The following SEM1 variants were observed in gnomAD, a reference collection of about 807,000 sequenced individuals.
The protein encoded by SEM1 is 26S proteasome complex subunit SEM1.
A neutral mutation model predicts 12.7 loss-of-function variants in SEM1; 3 were observed. The ratio of observed to expected loss-of-function variants is 0.24; its 90% CI spans 0.11 to 0.61. The LOEUF (loss-of-function observed/expected upper bound fraction) is 0.61. SEM1 is among the 20% of genes least tolerant of loss of function. SEM1 has a pLI of 0.88. For synonymous variants in SEM1, 30 were observed against 27.8 expected (o/e 1.08, Z -0.25); for missense variants, 59 against 81.3 (o/e 0.73, Z 1.06).
intron 1 of SEM1, among the ~76,000 whole-genome samples, chr7:96,490,716 A>G (rs1481689773): frequency 2.6e-5 from 4 of 152,178 alleles, no homozygotes; most frequent in Non-Finnish European, 5.9e-5. Flanking sequence ...ACGTGATCAC[A>G]TTGGAAGGTG....
At chr7:96,544,116 T>C (rs1292956722) in intron 2 of SEM1, among the ~76,000 whole-genome samples, 1 of 151,950 alleles carries the variant, frequency 6.6e-6, no homozygotes. Context: ...CACAGAGAAA[T>C]GAAAATCTCT....
intron 1 of SEM1, among the ~76,000 whole-genome samples, chr7:96,491,009 T>C (rs1802985453): frequency 1.3e-5 from 2 of 152,320 alleles, no homozygotes; most frequent in South Asian, 4.1e-4. Context: ...ACTTGCAGTT[T>C]TTAAGAATAC....
At chr7:96,641,238 C>T (rs1808583001) in intron 2 of SEM1, among the ~76,000 whole-genome samples, 1 of 151,712 alleles carries the variant, frequency 6.6e-6, no homozygotes, top group Non-Finnish European at 1.5e-5. Flanking sequence ...TGTATTTATT[C>T]TCTCTTTTCT....
chr7:96,587,341 C>T (rs1000483598), intron 2 of SEM1, among the ~76,000 whole-genome samples: 2 of 152,068 alleles, frequency 1.3e-5, no homozygotes, highest in Non-Finnish European at 2.9e-5. Context: ...TAACTTTCTC[C>T]CTCTATTCTG....
intron 2 of SEM1, among the ~76,000 whole-genome samples, chr7:96,657,262 C>T (rs1809212803): frequency 6.6e-6 from 1 of 152,178 alleles, no homozygotes; most frequent in African/African-American, 2.4e-5. Flanking sequence ...GTGGCTTACA[C>T]TTGTAGGAGG....
chr7:96,566,345 G>A (rs1805842936), intron 2 of SEM1, among the ~76,000 whole-genome samples: 1 of 151,404 alleles, frequency 6.6e-6, no homozygotes, highest in Non-Finnish European at 1.5e-5. Context: ...TACATATTAT[G>A]TTATTTTAAT....
chr7:96,593,828 A>G (rs990753577), intron 2 of SEM1, among the ~76,000 whole-genome samples: 1 of 152,092 alleles, frequency 6.6e-6, no homozygotes, highest in African/African-American at 2.4e-5. Context: ...AAATCTTTCA[A>G]TTCTACTTGC....
At chr7:96,679,180 A>G (rs1789531999) in intron 2 of SEM1, among the ~76,000 whole-genome samples, 1 of 152,100 alleles carries the variant, frequency 6.6e-6, no homozygotes, top group African/African-American at 2.4e-5. Flanking sequence ...AAGATAGTAA[A>G]AGACATAAAC....
intron 2 of SEM1, among the ~76,000 whole-genome samples, chr7:96,601,217 A>G (rs1807188145): frequency 6.6e-6 from 1 of 152,256 alleles, no homozygotes; most frequent in Admixed American, 6.5e-5. Flanking sequence ...CTTGGAGTTC[A>G]TTAAGGAACC....
chr7:96,674,718 T>C (rs1190185746), intron 2 of SEM1, among the ~76,000 whole-genome samples: 3 of 152,008 alleles, frequency 2.0e-5, no homozygotes, highest in Non-Finnish European at 2.9e-5. Flanking sequence ...GGCAGGAAAT[T>C]TGTGGTTTCA....
intron 2 of SEM1, among the ~76,000 whole-genome samples, chr7:96,638,800 G>A (rs1007750265): frequency 6.6e-6 from 1 of 151,716 alleles, no homozygotes; most frequent in Non-Finnish European, 1.5e-5. Context: ...GTGTGCTCTG[G>A]TTTCTTCCAG....
intron 1 of SEM1, among the ~76,000 whole-genome samples, chr7:96,488,583 A>C (rs1401236439): frequency 6.6e-6 from 1 of 152,104 alleles, no homozygotes; most frequent in Non-Finnish European, 1.5e-5. Flanking sequence ...TTTCTGCTTG[A>C]GGTCAGAAGG....
chr7:96,573,893 A>G (rs961259337), intron 2 of SEM1, among the ~76,000 whole-genome samples: 2 of 151,562 alleles, frequency 1.3e-5, no homozygotes, highest in Admixed American at 6.6e-5. Context: ...AAGTACACCA[A>G]TCAAACGTAG....
chr7:96,494,145 A>T (rs1193191122), intron 1 of SEM1, among the ~76,000 whole-genome samples: 1 of 152,204 alleles, frequency 6.6e-6, no homozygotes, highest in Non-Finnish European at 1.5e-5. Context: ...GTCAAATACC[A>T]GAATAGAAAG....
exon 4 of SEM1, chr7:96,482,856 C>T (rs903101786): frequency 6.6e-6 from 1 of 152,184 alleles, no homozygotes; most frequent in Non-Finnish European, 1.5e-5. Context: ...CAGTTTCTGT[C>T]TCTCTAGAGG....
upstream of SEM1, among the ~76,000 whole-genome samples, chr7:96,500,124 T>A (rs767610220): frequency 1.3e-5 from 2 of 152,138 alleles, no homozygotes; most frequent in African/African-American, 4.8e-5. Context: ...AATAGGAGTT[T>A]AAGAACCCTT....
At chr7:96,611,133 TA>T (rs1412204656) in intron 2 of SEM1, among the ~76,000 whole-genome samples, 1 of 152,200 alleles carries the variant, frequency 6.6e-6, no homozygotes, top group Non-Finnish European at 1.5e-5. Context: ...TCATTTTTTC[TA>T]AAAATCATTT....
At chr7:96,572,628 T>G (rs76540011) in intron 2 of SEM1, among the ~76,000 whole-genome samples, 1 of 152,202 alleles carries the variant, frequency 6.6e-6, no homozygotes, top group Non-Finnish European at 1.5e-5. Flanking sequence ...CTAATTTGAT[T>G]GCACTGTGGT....
chr7:96,699,348 GTCTT>G (rs1234926780), intron 1 of SEM1, among the ~76,000 whole-genome samples: 19 of 152,072 alleles, frequency 1.2e-4, no homozygotes, highest in Admixed American at 1.0e-3. Context: ...CCTGACTCTA[GTCTT>G]TCTATCTTTT....
Sources: allele counts gnomAD v4.1 joint callset (sites outside exome capture counted in the v4.1 genomes callset), GRCh38; gene constraint gnomAD v4.1.1; transcripts MANE v1.5; gene names NCBI Gene and HGNC (gene_info 2026-07-23, HGNC 2026-07-21).